TAB2: variants seen among roughly 807,000 people sequenced by gnomAD.
TAB2 encodes the protein TGF-beta activated kinase 1 (MAP3K7) binding protein 2, also known as TGF-beta-activated kinase 1 and MAP3K7-binding protein 2.
In TAB2, 3 loss-of-function variants were observed where a neutral mutation model predicts 65.0. The observed-to-expected ratio is 0.05, with a 90% CI of 0.02 to 0.12. The LOEUF (loss-of-function observed/expected upper bound fraction) is 0.12. Ranked by LOEUF, TAB2 falls within the 10% of genes least tolerant of loss-of-function variation. TAB2 has a pLI of 1.00. For synonymous variants in TAB2, 298 were observed against 285.1 expected, an observed-to-expected ratio of 1.05 and a Z score of -0.46; for missense variants, 623 against 840.3, an observed-to-expected ratio of 0.74 and a Z score of 3.20.
chr6:149,403,265 T>TACACAC (rs1283928381), intron 6 of TAB2, among the ~76,000 whole-genome samples: 21 of 44,944 alleles, frequency 4.7e-4, no homozygotes, highest in African/African-American at 2.6e-3. Flanking sequence ...TATATATATA[T>TACACAC]ATATATATAT....
At chr6:149,366,258 C>T (rs1212170917) in intron 1 of TAB2, among the ~76,000 whole-genome samples, 2 of 152,154 alleles carry the variant, frequency 1.3e-5, no homozygotes, top group African/African-American at 4.8e-5. Flanking sequence ...AGCCAGATAA[C>T]TTGACTACAC....
At chr6:149,218,620 C>G (rs949572684), upstream of TAB2, 1 of 351,662 alleles carries the variant, frequency 2.8e-6, no homozygotes, top group African/African-American at 2.1e-5. Flanking sequence ...TATATTCTTA[C>G]AGATGAGAAG....
intron 1 of TAB2, among the ~76,000 whole-genome samples, chr6:149,324,424 G>T (rs1441119294): frequency 6.6e-6 from 1 of 151,890 alleles, no homozygotes; most frequent in East Asian, 1.9e-4. Context: ...TTGAATTTTA[G>T]CTTAAAGTTT....
At chr6:149,400,637 T>TA (rs1253082114) in intron 6 of TAB2, 1 of 1,614,204 alleles carries the variant, frequency 6.2e-7, no homozygotes, top group South Asian at 1.1e-5. Context: ...AAGATGAAGA[T>TA]ACAATTGATG....
At chr6:149,220,124 A>G (rs1391745552) in intron 1 of TAB2, among the ~76,000 whole-genome samples, 1 of 152,244 alleles carries the variant, frequency 6.6e-6, no homozygotes, top group African/African-American at 2.4e-5. Context: ...TTAATAGAAG[A>G]CAGCGTATGG....
At chr6:149,406,037 A>G (rs939968967) in intron 6 of TAB2, among the ~76,000 whole-genome samples, 4 of 152,236 alleles carry the variant, frequency 2.6e-5, no homozygotes, top group Non-Finnish European at 4.4e-5. Flanking sequence ...CTATACATCC[A>G]TAAAGTTGTG....
intron 1 of TAB2, among the ~76,000 whole-genome samples, chr6:149,252,172 C>T (rs1777875236): frequency 6.6e-6 from 1 of 151,818 alleles, no homozygotes; most frequent in African/African-American, 2.4e-5. Context: ...TTTGGGAGGC[C>T]GAGGCGGGTG....
chr6:149,382,076 A>G (rs896331048), intron 3 of TAB2, among the ~76,000 whole-genome samples: 1 of 152,212 alleles, frequency 6.6e-6, no homozygotes, highest in African/African-American at 2.4e-5. Context: ...CACTCAGAAT[A>G]AAAGCTATGA....
At chr6:149,333,582 T>C (rs1192417535) in intron 1 of TAB2, among the ~76,000 whole-genome samples, 1 of 152,188 alleles carries the variant, frequency 6.6e-6, no homozygotes, top group Admixed American at 6.6e-5. Flanking sequence ...AGTATTTTTA[T>C]ATACCTTTCC....
chr6:149,286,203 G>A (rs1215940013), intron 1 of TAB2, among the ~76,000 whole-genome samples: 1 of 152,152 alleles, frequency 6.6e-6, no homozygotes, highest in Non-Finnish European at 1.5e-5. Flanking sequence ...TAAGATTTGC[G>A]AGTTAGAAGA....
chr6:149,400,227 C>G (rs1216118932), intron 6 of TAB2: 1 of 710,630 alleles, frequency 1.4e-6, no homozygotes, highest in Non-Finnish European at 2.3e-6. Flanking sequence ...ACAGCTCGTG[C>G]TGGCGCACAC....
At chr6:149,260,079 T>C (rs570127874) in intron 1 of TAB2, among the ~76,000 whole-genome samples, 206 of 152,316 alleles carry the variant, frequency 1.4e-3, no homozygotes, top group Non-Finnish European at 2.4e-3. Context: ...AATGTGAGCA[T>C]TGGCCAGGCC....
chr6:149,402,216 A>C (rs1456744264), intron 6 of TAB2, among the ~76,000 whole-genome samples: 1 of 152,044 alleles, frequency 6.6e-6, no homozygotes, highest in Non-Finnish European at 1.5e-5. Flanking sequence ...AAAAAAGGAG[A>C]CAAAATCAGA....
In TAB2 at chr6:149,334,609, C is replaced by T. The variant is rs749955933; in HGVS notation, c.-90+16594C>T. ...AGAGGATCACTTGAGCCCAGGAGTT[C>T]GAGGCTGCATATCTATGATTACATG... is the stretch of plus-strand genomic sequence containing the variant. On this transcript the variant is annotated intron_variant, in intron 1 of 6. Transcript: ENST00000637181. 3.6e-4 allele frequency among the ~76,000 whole-genome samples: 54 copies of T among 151,338 alleles called. 1 individual carries two copies. The highest frequency in any genetic ancestry group is 1.2e-3 in the African/African-American group (48 of 41,150).
intron 1 of TAB2, among the ~76,000 whole-genome samples, chr6:149,298,604 C>G (rs1282080214): frequency 6.6e-6 from 1 of 152,112 alleles, no homozygotes; most frequent in Non-Finnish European, 1.5e-5. Flanking sequence ...GAGACCCTGT[C>G]TCAACAACAA....
chr6:149,357,421 GAAA>G lies in TAB2; in HGVS notation c.-89-12480_-89-12478del, dbSNP rs1244546884. Among the ~76,000 whole-genome samples the G allele has an allele frequency of 8.9e-4, 97 of 108,446 alleles. 3 individuals carry two copies. The highest frequency in any genetic ancestry group is 2.7e-3 in the African/African-American group (68 of 25,534). The allele number at this position is 108,446 out of a possible 152,430, so 71.1% of individuals were successfully genotyped here. ...ATAGAGGGAGACTCCGTCTCAAGGAGAAAAAAAAAACACACACACACACACACA... is the reference window on the plus strand; with the variant it reads ...ATAGAGGGAGACTCCGTCTCAAGGAGAAAAAAACACACACACACACACACA... On this transcript the variant is annotated intron_variant, in intron 1 of 6. Coordinates refer to ENST00000637181, the MANE Select transcript of TAB2 (RefSeq NM_001292034.3).
At chr6:149,277,773 T>C (rs181783036) in intron 1 of TAB2, among the ~76,000 whole-genome samples, 3 of 152,344 alleles carry the variant, frequency 2.0e-5, no homozygotes, top group Admixed American at 2.0e-4. Flanking sequence ...TACTACCATA[T>C]AGTATCTATT....
intron 1 of TAB2, among the ~76,000 whole-genome samples, chr6:149,286,997 A>G (rs558194225): frequency 3.9e-4 from 59 of 152,088 alleles, no homozygotes; most frequent in Non-Finnish European, 8.2e-4. Context: ...AGCATCTGTA[A>G]TCTCAGCTAC....
At chr6:149,363,777 A>G (rs913327117) in intron 1 of TAB2, among the ~76,000 whole-genome samples, 2 of 152,092 alleles carry the variant, frequency 1.3e-5, no homozygotes, top group Admixed American at 1.3e-4. Flanking sequence ...TGCAGGTCAG[A>G]TCTGTCCTTT....
Sources: allele counts gnomAD v4.1 joint callset (sites outside exome capture counted in the v4.1 genomes callset), GRCh38; gene constraint gnomAD v4.1.1; transcripts MANE v1.5; gene names NCBI Gene and HGNC (gene_info 2026-07-23, HGNC 2026-07-21).